ABCF1: variants seen among roughly 807,000 people sequenced by gnomAD.
ABCF1 encodes the protein ATP binding cassette subfamily F member 1, also known as ATP-binding cassette sub-family F member 1.
ABCF1 carries 73 observed loss-of-function variants against 126.3 expected under a neutral mutation model. That is an observed-to-expected ratio of 0.58 (90% CI 0.48 to 0.70). The LOEUF (loss-of-function observed/expected upper bound fraction) is 0.70, where lower values mean the gene tolerates loss of function less well. Ranked by LOEUF, ABCF1 falls within the 30% of genes least tolerant of loss-of-function variation. ABCF1 has a pLI of 0.00. For missense variants in ABCF1, 786 were observed against 1,057.5 expected (o/e 0.74, Z 3.56); for synonymous variants, 345 against 396.4 (o/e 0.87, Z 1.54).
In ABCF1 at chr6:30,586,831, A is replaced by T. The variant is rs1389404730; in HGVS notation, c.2031+120A>T. 1.8e-6 allele frequency: 2 copies of T among 1,100,680 alleles called. No individual in the cohort carries two copies. The highest frequency in any genetic ancestry group is 2.7e-6 in the Non-Finnish European group (2 of 750,718). 68.2% of individuals were successfully genotyped at this position (1,100,680 alleles called of 1,614,324 possible). A position where few individuals can be genotyped will look rare whatever the true frequency, so the allele number is the denominator to read the frequency against. On this transcript the variant is annotated intron_variant, in intron 20 of 24. Transcript: ENST00000326195. This position sits in a 1 kb window ranked among gnomAD's most constrained non-coding sequence, Gnocchi z 4.9. ...GAGTTAAATACAGAACTCATGATAG[A>T]TGATTCATTTCCCTAAGAGGGGCAG...
chr6:30,578,488 G>A lies in ABCF1; in HGVS notation c.400G>A (p.Ala134Thr). The change falls in exon 6 of 25, where the codon GCC becomes ACC. Residue 134 changes from alanine to threonine, a missense_variant. By Grantham distance (58) the Ala-to-Thr change is moderately conservative. This residue lies in a region of ABCF1 where 322 missense variants were observed against 322.9 expected (regional missense o/e 1.00). Transcript: ENST00000326195. ...KKTKGGNVFA[A>T]LIQDQSEEEE... ...TCTCTAGGGTGGTAATGTTTTTGCA[G>A]CCCTGATTCAGGATCAGAGTGAGGA... The A allele has an allele frequency of 6.2e-7, 1 of 1,613,998 alleles. No individual in the cohort carries two copies. Among genetic ancestry groups the A allele is most frequent in the Non-Finnish European group, 8.5e-7 (1 of 1,179,990 alleles).
In ABCF1 at chr6:30,582,506, A is replaced by G; in HGVS notation, c.791A>G (p.Gln264Arg). The G allele has an allele frequency of 6.2e-7, 1 of 1,613,000 alleles. No individual in the cohort carries two copies. Among genetic ancestry groups the G allele is most frequent in the Non-Finnish European group, 8.5e-7 (1 of 1,179,988 alleles). ...SKKEKKKLKK[Q>R]MEYERQVASL... The stretch of plus-strand genomic sequence containing the variant: ...AAGGAGAAGAAAAAGCTGAAAAAAC[A>G]GGTAAGACCTTGGTTCTTAGCGGTC... Residue 264 changes from glutamine (Q) to arginine (R), a missense_variant and splice_region_variant, in exon 9 of 25, where the codon CAG becomes CGG. Physicochemically the swap from Gln to Arg is conservative, Grantham distance 43. Around this residue, in one of 4 missense-constraint regions of ABCF1, gnomAD observed 322 missense variants for 322.9 expected, o/e 1.00. Coordinates refer to ENST00000326195, the MANE Select transcript of ABCF1 (RefSeq NM_001025091.2).
At chr6:30,581,114 T>C (rs757249784) in intron 8 of ABCF1, among the ~76,000 whole-genome samples, 60 of 152,208 alleles carry the variant, frequency 3.9e-4, no homozygotes, top group Non-Finnish European at 7.4e-4. Context: ...TCAGGAGCTA[T>C]ATAAAAATAA....
chr6:30,575,079 T>C (rs1031639752), intron 1 of ABCF1, among the ~76,000 whole-genome samples: 1 of 148,336 alleles, frequency 6.7e-6, no homozygotes, highest in Non-Finnish European at 1.5e-5. Context: ...TTCTTTTTTT[T>C]TTTTTTTTTT....
intron 20 of ABCF1, among the ~76,000 whole-genome samples, chr6:30,587,313 G>C (rs1802200408): frequency 6.6e-6 from 1 of 151,854 alleles, no homozygotes; most frequent in African/African-American, 2.4e-5. Flanking sequence ...CTCTTTGGGG[G>C]AGGCTGAGGC....
rs748317798 is a variant in ABCF1, at chr6:30,586,526, T to G, written c.1938T>G (p.Phe646Leu). ...GQKPLFKNLD[F>L]GIDMDSRICI... ...AACCACTCTTTAAGAACTTGGATTT[T>G]GGCATCGACATGGATTCAAGGAGTG... Residue 646 changes from phenylalanine (F) to leucine (L), a missense_variant, in exon 19 of 25, where the codon TTT becomes TTG. Coordinates refer to ENST00000326195, the MANE Select transcript of ABCF1 (RefSeq NM_001025091.2). The surrounding 1 kb of genome is among the most constrained non-coding windows in gnomAD (Gnocchi z 4.9). 6.2e-7 allele frequency: 1 copy of G among 1,613,374 alleles called. No individual in the cohort carries two copies. Among genetic ancestry groups the G allele is most frequent in the South Asian group, 1.1e-5 (1 of 91,086 alleles).
rs1801956153 is a variant in ABCF1 at position 30,583,796 on chromosome 6, A to G, written c.1017-9A>G. 1 of 1,613,978 alleles carries G rather than the reference A, an allele frequency of 6.2e-7. No homozygotes were observed. The highest frequency in any genetic ancestry group is 1.1e-5 in the South Asian group (1 of 91,078). On this transcript the variant is annotated splice_polypyrimidine_tract_variant and intron_variant, in intron 11 of 24. Coordinates refer to ENST00000326195, the MANE Select transcript of ABCF1 (RefSeq NM_001025091.2). This position sits in a 1 kb window ranked among gnomAD's most constrained non-coding sequence, Gnocchi z 4.1. ...TGGTGGCCAGGTCCTAATAGCTTTT[A>G]TTCCCCAGCAAGGGCAAGACCACAC...
chr6:30,589,634 C>G, intron 20 of ABCF1, 54 bp from the exon 21 acceptor site: 1 of 1,581,686 alleles, frequency 6.3e-7, no homozygotes, highest in Non-Finnish European at 8.7e-7. Context: ...ATGTATGGAG[C>G]TGCAGCACCT....
rs1232260835 is a variant in ABCF1 at position 30,586,583 on chromosome 6, A to G, written c.1960+35A>G. The stretch of plus-strand genomic sequence containing the variant: ...CGGGGTTGCCTCAGGGATGTGTAGC[A>G]GGAGCCACAGGGAGAGTCTCTGGGG... On this transcript the variant is annotated intron_variant, in intron 19 of 24. Coordinates refer to ENST00000326195, the MANE Select transcript of ABCF1 (RefSeq NM_001025091.2). This position sits in a 1 kb window ranked among gnomAD's most constrained non-coding sequence, Gnocchi z 4.9. 4 of 1,613,088 alleles carry G rather than the reference A, an allele frequency of 2.5e-6. No homozygotes were observed. Among genetic ancestry groups the G allele is most frequent in the Non-Finnish European group, 3.4e-6 (4 of 1,179,774 alleles).
At chr6:30,576,530 C>G (rs1240134497) in intron 1 of ABCF1, among the ~76,000 whole-genome samples, 1 of 151,962 alleles carries the variant, frequency 6.6e-6, no homozygotes, top group Admixed American at 6.6e-5. Context: ...CTCAAGTGAT[C>G]CGCCTGCCTC....
At chr6:30,580,376 A>G (rs745936802) in intron 7 of ABCF1, 30 bp from the exon 8 acceptor site, 1 of 1,242,036 alleles carries the variant, frequency 8.1e-7, no homozygotes, top group Non-Finnish European at 1.1e-6. Flanking sequence ...AAAAAAAAAC[A>G]TTTCATCAGA....
At position 30,577,851 on chromosome 6, in the gene ABCF1, G is replaced by T. The variant is rs763844970; in HGVS notation, c.154G>T (p.Ala52Ser). 6.2e-7 allele frequency: 1 copy of T among 1,613,960 alleles called. No individual in the cohort carries two copies. Among genetic ancestry groups the T allele is most frequent in the Admixed American group, 1.7e-5 (1 of 60,020 alleles). Residue 52 changes from alanine (A) to serine (S), a missense_variant, in exon 3 of 25, where the codon GCT (alanine) becomes TCT (serine). Physicochemically the swap from Ala to Ser is moderately conservative, Grantham distance 99. This residue lies in a region of ABCF1 where 322 missense variants were observed against 322.9 expected (regional missense o/e 1.00). Coordinates refer to ENST00000326195, the MANE Select transcript of ABCF1 (RefSeq NM_001025091.2). ...FEELAVEDKQ[A>S]GEEEKVLKEK... ...AGAGCTGGCAGTAGAAGATAAACAG[G>T]CTGGGGAAGAAGAGAAAGTGCTCAA...
chr6:30,577,804 A>C lies in ABCF1; in HGVS notation c.121-14A>C, dbSNP rs1343189103. 23 of 1,612,882 alleles carry C rather than the reference A, an allele frequency of 1.4e-5. No homozygotes were observed. The highest frequency in any genetic ancestry group is 2.0e-5 in the Non-Finnish European group (23 of 1,179,480). ...TTGGAAACATGTTTACCTGTAGCTT[A>C]ACTCCCTTTATAGTTCTTTGAAGAG... On this transcript the variant is annotated splice_polypyrimidine_tract_variant and intron_variant, in intron 2 of 24. Transcript: ENST00000326195.
At position 30,578,059 on chromosome 6, in the gene ABCF1, TCTTTTGCTCTCAGCAGCAAAAA is replaced by T. The variant is rs764393029; in HGVS notation, c.217-16_222del. Reference sequence around the variant, plus strand: ...GGCCTGGGCTTCATTTTCTCACTGTTCTTTTGCTCTCAGCAGCAAAAAAAAAAGCGAGATACCCGAAAAGGCA... The same window carrying T: ...GGCCTGGGCTTCATTTTCTCACTGTTAAAAAGCGAGATACCCGAAAAGGCA... On this transcript the variant is annotated splice_acceptor_variant and splice_polypyrimidine_tract_variant and coding_sequence_variant and intron_variant, in exon 4 of 25. Coordinates refer to ENST00000326195, the MANE Select transcript of ABCF1 (RefSeq NM_001025091.2). LOFTEE classifies it high-confidence loss of function. 1 of 1,613,840 alleles carries T rather than the reference TCTTTTGCTCTCAGCAGCAAAAA, an allele frequency of 6.2e-7. No individual in the cohort carries two copies. The highest frequency in any genetic ancestry group is 8.5e-7 in the Non-Finnish European group (1 of 1,179,956).
intron 8 of ABCF1, 49 bp from the exon 9 acceptor site, chr6:30,582,345 C>T (rs780347428): frequency 7.2e-5 from 91 of 1,258,180 alleles, no homozygotes; most frequent in Non-Finnish European, 9.1e-5. Context: ...CGTGAGCCAC[C>T]GCGCCCAGCC....
chr6:30,571,633 G>A, intron 1 of ABCF1, 73 bp downstream of exon 1: 1 of 1,509,802 alleles, frequency 6.6e-7, no homozygotes, highest in Admixed American at 1.9e-5. Context: ...TTAAGAGAGG[G>A]TCATGGGGCA....
At chr6:30,577,600 T>G in intron 2 of ABCF1, 145 bp downstream of exon 2, 1 of 1,120,606 alleles carries the variant, frequency 8.9e-7, no homozygotes, top group Non-Finnish European at 1.3e-6. Context: ...GGCTTACACC[T>G]GTAATCCCAG....
Position 30,584,467 on chromosome 6 carries a change from C to T in ABCF1, c.1292C>T (p.Ala431Val). Residue 431 changes from alanine to valine, a missense_variant, in exon 14 of 25, where the codon GCA becomes GTA. Transcript: ENST00000326195. The surrounding 1 kb of genome is among the most constrained non-coding windows in gnomAD (Gnocchi z 4.6). ...ATGAAAAEAK[A>V]RRILAGLGFD... ...GGGGCGGCAGCTGCAGAGGCCAAAG[C>T]ACGGCGGATCCTGGCTGGCCTGGGC... 6.2e-7 allele frequency: 1 copy of T among 1,613,108 alleles called. No homozygotes were observed. The highest frequency in any genetic ancestry group is 1.3e-5 in the African/African-American group (1 of 75,048).
intron 8 of ABCF1, among the ~76,000 whole-genome samples, chr6:30,581,731 A>G (rs1056110222): frequency 1.3e-5 from 2 of 152,076 alleles, no homozygotes; most frequent in Non-Finnish European, 2.9e-5. Flanking sequence ...TTGCATGTTA[A>G]CAAGGAAACC....
Sources: gnomAD v4.1 joint callset for allele counts (sites outside exome capture counted in the v4.1 genomes callset) on GRCh38, gnomAD v4.1.1 for gene constraint, gnomAD v4.1.1 regional missense constraint, Gnocchi (gnomAD v3.1) non-coding constraint, MANE v1.5 for transcripts, NCBI Gene and HGNC (gene_info 2026-07-23, HGNC 2026-07-21) for gene names.